RNF8: variants seen among roughly 807,000 people sequenced by gnomAD.
The protein encoded by RNF8 is ring finger protein 8.
RNF8 carries 8 observed loss-of-function variants against 59.3 expected under a neutral mutation model. The observed-to-expected ratio is 0.13, with a 90% confidence interval of 0.08 to 0.24. The LOEUF (loss-of-function observed/expected upper bound fraction) is 0.24. Among genes scored for constraint, RNF8 ranks in the 10% least tolerant of loss-of-function variants. The pLI is 1.00. For missense variants in RNF8, 406 were observed against 572.6 expected (o/e 0.71, Z 2.97); for synonymous variants, 162 against 200.0 (o/e 0.81, Z 1.60).
chr6:37,360,643 G>A lies in RNF8; in HGVS notation c.240+69G>A. On this transcript the variant is annotated intron_variant, in intron 2 of 7. Transcript: ENST00000373479. This position sits in a 1 kb window ranked among gnomAD's most constrained non-coding sequence, Gnocchi z 4.2. ...AATTACTTTTTTTTTTTTTTGCATA[G>A]GTAATTCATGGTATAAAATTCAAAA... 2.2e-6 allele frequency: 3 copies of A among 1,360,682 alleles called. No homozygotes were observed. In the South Asian group the frequency reaches 4.2e-5, roughly 19 times the overall value. The allele number at this position is 1,360,682 out of a possible 1,614,324, so 84.3% of individuals were successfully genotyped here. A position where few individuals can be genotyped will look rare whatever the true frequency, so the allele number is the denominator to read the frequency against.
chr6:37,394,367 G>A lies in RNF8; in HGVS notation c.*3609G>A, dbSNP rs1436426306. On this transcript the variant is annotated 3_prime_UTR_variant, in exon 8 of 8. Transcript: ENST00000373479. ...AGGAGTGTGGGGTTCTTGGGAAGAC[G>A]ATGGGGCCTTGTATTAAGGAGAAAT... is the stretch of plus-strand genomic sequence containing the variant. The A allele has an allele frequency of 1.3e-5, 2 of 152,186 alleles. No homozygotes were observed. Among genetic ancestry groups the A allele is most frequent in the African/African-American group, 2.4e-5 (1 of 41,454 alleles). 9.4% of individuals were successfully genotyped at this position (152,186 alleles called of 1,614,324 possible).
Position 37,354,099 on chromosome 6 carries a change from C to G in RNF8, c.-66C>G. On this transcript the variant is annotated 5_prime_UTR_variant, in exon 1 of 8. Transcript: ENST00000373479. The stretch of plus-strand genomic sequence containing the variant: ...TAGATATGGAAGCTGAGGGGATGCA[C>G]AGAGGCAGCCAGAACCTAGGTCAGG... 2 of 1,326,254 alleles carry G rather than the reference C, an allele frequency of 1.5e-6. No homozygotes were observed. The highest frequency in any genetic ancestry group is 2.1e-6 in the Non-Finnish European group (2 of 942,058). 82.2% of individuals were successfully genotyped at this position (1,326,254 alleles called of 1,614,324 possible). A position where few individuals can be genotyped will look rare whatever the true frequency, so the allele number is the denominator to read the frequency against.
chr6:37,362,346 C>G (rs1416972838), intron 2 of RNF8, among the ~76,000 whole-genome samples: 2 of 152,198 alleles, frequency 1.3e-5, no homozygotes, highest in African/African-American at 4.8e-5. Flanking sequence ...AAGATCAGAT[C>G]ATGACTGTGC....
intron 2 of RNF8, among the ~76,000 whole-genome samples, chr6:37,365,104 A>G (rs1025666953): frequency 6.6e-6 from 1 of 151,850 alleles, no homozygotes; most frequent in Non-Finnish European, 1.5e-5. Flanking sequence ...AAAAACTGGG[A>G]AAAAAAACAA....
intron 6 of RNF8, among the ~76,000 whole-genome samples, chr6:37,377,692 T>C (rs1770079462): frequency 6.6e-6 from 1 of 152,218 alleles, no homozygotes; most frequent in African/African-American, 2.4e-5. Context: ...ATAAAGCTGC[T>C]CAATAAAAGC....
chr6:37,356,539 T>C (rs765126699), intron 1 of RNF8, among the ~76,000 whole-genome samples: 1 of 152,190 alleles, frequency 6.6e-6, no homozygotes, highest in African/African-American at 2.4e-5. Flanking sequence ...TTAAGCTTGT[T>C]AAAGCAATGC....
At chr6:37,372,826 G>A (rs763857865) in intron 4 of RNF8, among the ~76,000 whole-genome samples, 17 of 152,158 alleles carry the variant, frequency 1.1e-4, no homozygotes, top group African/African-American at 3.6e-4. Context: ...AAAATTAGCC[G>A]GGCGTGGTGG....
Position 37,376,937 on chromosome 6 carries a change from G to C in RNF8, c.1140G>C (p.Glu380Asp). ...KELEQTKEEK[E>D]KMQAQKEEVL... ...TGTGTGTCTTGCAGGAAGAGAAGGA[G>C]AAGATGCAAGCACAGAAGGAAGAAG... Residue 380 changes from glutamate (E) to aspartate (D), a missense_variant, in exon 6 of 8, where the codon GAG becomes GAC. Transcript: ENST00000373479. 1 of 1,611,946 alleles carries C rather than the reference G, an allele frequency of 6.2e-7. No homozygotes were observed. The highest frequency in any genetic ancestry group is 2.2e-5 in the East Asian group (1 of 44,844).
rs369154055 is a variant in RNF8, at chr6:37,356,777, A to T, written c.111+2502A>T. On this transcript the variant is annotated intron_variant, in intron 1 of 7. Transcript: ENST00000373479. ...GGGGTGTTTTGTTTTGAGACAGAGTACTCCTTCTGTCACCCAGGCTGGAGT... is the reference window on the plus strand; with the variant it reads ...GGGGTGTTTTGTTTTGAGACAGAGTTCTCCTTCTGTCACCCAGGCTGGAGT... Among the ~76,000 whole-genome samples the T allele has an allele frequency of 5.3e-4, 81 of 151,946 alleles. No homozygotes were observed. The South Asian group carries it at 0.015, about 29-fold the overall frequency.
chr6:37,391,034 G>C lies in RNF8; in HGVS notation c.*276G>C. 1.8e-6 allele frequency: 1 copy of C among 564,342 alleles called. No homozygotes were observed. The highest frequency in any genetic ancestry group is 3.0e-5 in the East Asian group (1 of 33,576). 35.0% of individuals were successfully genotyped at this position (564,342 alleles called of 1,614,324 possible). On this transcript the variant is annotated 3_prime_UTR_variant, in exon 8 of 8. Coordinates refer to ENST00000373479, the MANE Select transcript of RNF8 (RefSeq NM_003958.4). The stretch of plus-strand genomic sequence containing the variant: ...ACTACATGTCGAAAGAGTTATTTGA[G>C]TTCTCTTCTGTTTTTTTTTAATTTG...
At chr6:37,362,694 T>G (rs531132878) in intron 2 of RNF8, among the ~76,000 whole-genome samples, 5 of 152,094 alleles carry the variant, frequency 3.3e-5, no homozygotes, top group Non-Finnish European at 7.4e-5. Flanking sequence ...AGCTGTAGGG[T>G]ATTATTGCTG....
intron 2 of RNF8, among the ~76,000 whole-genome samples, chr6:37,362,745 A>G (rs1019284745): frequency 6.6e-6 from 1 of 152,218 alleles, no homozygotes; most frequent in African/African-American, 2.4e-5. Context: ...TTTTCAAGAG[A>G]TAGGTGTTTC....
At position 37,392,112 on chromosome 6, in the gene RNF8, G is replaced by T; in HGVS notation, c.*1354G>T. ...GCCCATGATTACTGATCAAAATACT[G>T]GTAGAGTCATGGAGGAAGTAAGTTA... On this transcript the variant is annotated 3_prime_UTR_variant, in exon 8 of 8. Transcript: ENST00000373479. 1 of 190,706 alleles carries T rather than the reference G, an allele frequency of 5.2e-6. No individual in the cohort carries two copies. Among genetic ancestry groups the T allele is most frequent in the Non-Finnish European group, 1.1e-5 (1 of 94,344 alleles). 11.8% of individuals were successfully genotyped at this position (190,706 alleles called of 1,614,324 possible). A position where few individuals can be genotyped will look rare whatever the true frequency, so the allele number is the denominator to read the frequency against.
chr6:37,391,134 A>T lies in RNF8; in HGVS notation c.*376A>T, dbSNP rs924057588. The T allele has an allele frequency of 2.9e-6, 1 of 345,724 alleles. No homozygotes were observed. 21.4% of individuals were successfully genotyped at this position (345,724 alleles called of 1,614,324 possible). On this transcript the variant is annotated 3_prime_UTR_variant, in exon 8 of 8. Coordinates refer to ENST00000373479, the MANE Select transcript of RNF8 (RefSeq NM_003958.4). ...GTTTTGGATAGGTTGGGTGTACCCC[A>T]TGGCTGCCTCTGAAGGCAGTGTCTA...
intron 6 of RNF8, among the ~76,000 whole-genome samples, chr6:37,378,558 A>AC (rs1156473584): frequency 7.1e-6 from 1 of 141,302 alleles, no homozygotes; most frequent in African/African-American, 2.7e-5. Context: ...CTGATATCGC[A>AC]CCACTGCACT....
intron 7 of RNF8, among the ~76,000 whole-genome samples, chr6:37,383,371 A>G (rs1476303467): frequency 6.6e-6 from 1 of 152,220 alleles, no homozygotes; most frequent in African/African-American, 2.4e-5. Flanking sequence ...TCCAAGGCCA[A>G]TTGAAAGCTG....
chr6:37,378,379 T>C (rs1015541029), intron 6 of RNF8, among the ~76,000 whole-genome samples: 85 of 152,202 alleles, frequency 5.6e-4, no homozygotes, highest in African/African-American at 1.9e-3. Context: ...GGTGGGCGGA[T>C]CACCTGAGGT....
intron 4 of RNF8, 84 bp from the exon 5 acceptor site, chr6:37,374,530 TAACTAG>T (rs1769932632): frequency 1.1e-6 from 1 of 908,496 alleles, no homozygotes; most frequent in African/African-American, 1.7e-5. Context: ...ACAAAGTCAC[TAACTAG>T]AGGGAGAGAA....
At chr6:37,371,666 C>T in intron 4 of RNF8, 92 bp downstream of exon 4, 1 of 1,008,662 alleles carries the variant, frequency 9.9e-7, no homozygotes, top group Non-Finnish European at 1.5e-6. Flanking sequence ...GCTGCTTAGC[C>T]CATACCTCTG....
Sources: allele counts gnomAD v4.1 joint callset (sites outside exome capture counted in the v4.1 genomes callset), GRCh38; gene constraint gnomAD v4.1.1; non-coding constraint Gnocchi (gnomAD v3.1); transcripts MANE v1.5; gene names NCBI Gene and HGNC (gene_info 2026-07-23, HGNC 2026-07-21).